Variants in PRDM2 observed in about 807,000 individuals in gnomAD.
PRDM2 encodes PR/SET domain 2, also known as PR domain zinc finger protein 2.
A neutral mutation model predicts 130.0 loss-of-function variants in PRDM2; 30 were observed. That is an observed-to-expected ratio of 0.23 (90% CI 0.17 to 0.31). PRDM2 has a LOEUF of 0.31. Among genes scored for constraint, PRDM2 ranks in the 10% least tolerant of loss-of-function variants. The pLI is 1.00. For missense variants in PRDM2, 2,011 were observed against 2,108.4 expected, an observed-to-expected ratio of 0.95 and a Z score of 0.90; for synonymous variants, 871 against 782.4, an observed-to-expected ratio of 1.11 and a Z score of -1.89.
At position 13,773,246 on chromosome 1, in the gene PRDM2, A is replaced by T. The variant is rs913558359; in HGVS notation, c.622+58A>T. On this transcript the variant is annotated intron_variant, in intron 7 of 9. Coordinates refer to ENST00000311066, the MANE Select transcript of PRDM2 (RefSeq NM_001393986.1). Reference sequence around the variant, plus strand: ...GGTGTGTATGTACCCAGTGAATTTAACTTTGTATCTCTTTATATTGTCCTT... The same window carrying T: ...GGTGTGTATGTACCCAGTGAATTTATCTTTGTATCTCTTTATATTGTCCTT... The T allele has an allele frequency of 1.4e-5, 14 of 1,009,140 alleles. No individual in the cohort carries two copies. In the Admixed American group the frequency reaches 3.2e-4, roughly 23 times the overall value. The allele number at this position is 1,009,140 out of a possible 1,614,324, so 62.5% of individuals were successfully genotyped here.
In PRDM2 at chr1:13,743,624, T is replaced by C. The variant is rs184960213; in HGVS notation, c.384+1467T>C. Among the ~76,000 whole-genome samples the C allele has an allele frequency of 2.6e-3, 389 of 152,268 alleles. 1 individual carries two copies. The highest frequency in any genetic ancestry group is 4.6e-3 in the Non-Finnish European group (315 of 68,016). ...ATGATCTCCATGGAGTTGAACACTTTTGATGAGCACACATTTCAAATTGTG... is the reference window on the plus strand; with the variant it reads ...ATGATCTCCATGGAGTTGAACACTTCTGATGAGCACACATTTCAAATTGTG... On this transcript the variant is annotated intron_variant, in intron 5 of 9. Coordinates refer to ENST00000311066, the MANE Select transcript of PRDM2 (RefSeq NM_001393986.1).
At chr1:13,800,351 C>G (rs1375249606) in intron 8 of PRDM2, among the ~76,000 whole-genome samples, 1 of 152,174 alleles carries the variant, frequency 6.6e-6, no homozygotes, top group Non-Finnish European at 1.5e-5. Flanking sequence ...GCCTGGCACC[C>G]ATGGGAGGAG....
In PRDM2 at chr1:13,755,009, G is replaced by A. The variant is rs1378128689; in HGVS notation, c.511+5522G>A. Among the ~76,000 whole-genome samples, 4 of 152,112 alleles carry A rather than the reference G, an allele frequency of 2.6e-5. No individual in the cohort carries two copies. In the East Asian group the frequency reaches 7.7e-4, roughly 29 times the overall value. ...GCCTTTGCTGAGCATTGAATGTCCC[G>A]TCTCTGGTGGTTGCCTGCCAGGATG... On this transcript the variant is annotated intron_variant, in intron 6 of 9. Coordinates refer to ENST00000311066, the MANE Select transcript of PRDM2 (RefSeq NM_001393986.1).
Position 13,817,260 on chromosome 1 carries a change from A to T in PRDM2, c.*23+690A>T, listed in dbSNP as rs374563840. ...TGCAAATATTCCAAAATCCAAAAAAAATCCAAAATCAAAAAATTTCGGGTC... is the reference window on the plus strand; with the variant it reads ...TGCAAATATTCCAAAATCCAAAAAATATCCAAAATCAAAAAATTTCGGGTC... On this transcript the variant is annotated intron_variant, in intron 9 of 9. Coordinates refer to ENST00000311066, the MANE Select transcript of PRDM2 (RefSeq NM_001393986.1). Among the ~76,000 whole-genome samples the T allele has an allele frequency of 3.9e-5, 6 of 152,346 alleles. No individual in the cohort carries two copies. In the East Asian group the frequency reaches 5.8e-4, roughly 15 times the overall value.
chr1:13,794,256 G>C (rs1321570013), intron 8 of PRDM2, among the ~76,000 whole-genome samples: 1 of 152,088 alleles, frequency 6.6e-6, no homozygotes, highest in African/African-American at 2.4e-5. Flanking sequence ...CCTGACCATC[G>C]ATCTGTCACA....
Position 13,708,097 on chromosome 1 carries a change from A to T in PRDM2, c.-65-7444A>T, listed in dbSNP as rs6693939. 7.6e-4 allele frequency among the ~76,000 whole-genome samples: 116 copies of T among 151,976 alleles called. 2 individuals are homozygous for T. In the Middle Eastern group the frequency reaches 0.014, roughly 18 times the overall value. ...AATCAATAATAAAGAATAAATAATC[A>T]GCAACTGCCATACGTTTACTTCTGA... On this transcript the variant is annotated intron_variant, in intron 1 of 9. Coordinates refer to ENST00000311066, the MANE Select transcript of PRDM2 (RefSeq NM_001393986.1).
chr1:13,789,318 C>T (rs1193767636), intron 8 of PRDM2, among the ~76,000 whole-genome samples: 1 of 152,234 alleles, frequency 6.6e-6, no homozygotes. Flanking sequence ...CTCGTTGTTA[C>T]AAGTACTTTC....
rs1645087723 is a variant in PRDM2, at chr1:13,806,418, A to G, written c.5037-10009A>G. 6.6e-6 allele frequency among the ~76,000 whole-genome samples: 1 copy of G among 152,102 alleles called. No homozygotes were observed. The highest frequency in any genetic ancestry group is 2.4e-5 in the African/African-American group (1 of 41,422). On this transcript the variant is annotated intron_variant, in intron 8 of 9. Transcript: ENST00000311066. The surrounding 1 kb of genome is among the most constrained non-coding windows in gnomAD (Gnocchi z 4.1). ...ATCTCCATTCAGCCGCCCACCTGAC[A>G]TCTCCCTTGGGTGTCTAGATTCAAA...
chr1:13,793,351 G>A (rs1274508131), intron 8 of PRDM2, among the ~76,000 whole-genome samples: 2 of 152,226 alleles, frequency 1.3e-5, no homozygotes, highest in African/African-American at 4.8e-5. Context: ...TCCGCGTCAG[G>A]TGCTCAAGTC....
chr1:13,768,385 CT>C (rs879709838), intron 6 of PRDM2, among the ~76,000 whole-genome samples: 75 of 138,468 alleles, frequency 5.4e-4, no homozygotes, highest in Admixed American at 8.7e-4. Context: ...GCCCGGCCTT[CT>C]TTTTTTTTTT....
chr1:13,763,506 C>T (rs1005358073), intron 6 of PRDM2, among the ~76,000 whole-genome samples: 6 of 151,974 alleles, frequency 3.9e-5, no homozygotes, highest in Admixed American at 3.9e-4. Flanking sequence ...TTTTCCTGAA[C>T]GGTTTTCCTG....
chr1:13,789,005 A>G (rs138655903), intron 8 of PRDM2, among the ~76,000 whole-genome samples: 1 of 152,264 alleles, frequency 6.6e-6, no homozygotes, highest in African/African-American at 2.4e-5. Flanking sequence ...TCCTGGATCA[A>G]GATGCTGTCA....
At chr1:13,712,201 G>A (rs1182601445) in intron 1 of PRDM2, among the ~76,000 whole-genome samples, 1 of 152,100 alleles carries the variant, frequency 6.6e-6, no homozygotes, top group Non-Finnish European at 1.5e-5. Flanking sequence ...TCCAGCCTGG[G>A]TGAGAGAGTA....
chr1:13,812,749 C>T (rs1240531153), intron 8 of PRDM2, among the ~76,000 whole-genome samples: 1 of 152,204 alleles, frequency 6.6e-6, no homozygotes, highest in Non-Finnish European at 1.5e-5. Context: ...CCAGTCAGGA[C>T]CCTGGCTCAC....
chr1:13,770,341 T>C (rs761234643), intron 6 of PRDM2: 3 of 491,848 alleles, frequency 6.1e-6, no homozygotes, highest in Non-Finnish European at 1.2e-5. Context: ...TAGACAGTTA[T>C]GTGATTTCAT....
chr1:13,779,321 A>G lies in PRDM2; in HGVS notation c.1526A>G (p.His509Arg). 2.5e-6 allele frequency: 4 copies of G among 1,614,212 alleles called. No individual in the cohort carries two copies. The highest frequency in any genetic ancestry group is 1.7e-6 in the Non-Finnish European group (2 of 1,180,022). Reference sequence around the variant, plus strand: ...CATCAGCGTAGAGTTCACGAACGTCATCTGATTCCCAAAGGTGTACGGCGA... The same window carrying G: ...CATCAGCGTAGAGTTCACGAACGTCGTCTGATTCCCAAAGGTGTACGGCGA... ...RRHQRRVHER[H>R]LIPKGVRRKG... Residue 509 changes from histidine to arginine, a missense_variant, in exon 8 of 10, where the codon CAT becomes CGT. Transcript: ENST00000311066. This position sits in a 1 kb window ranked among gnomAD's most constrained non-coding sequence, Gnocchi z 4.9.
chr1:13,773,034 TAAA>T (rs35124546), intron 6 of PRDM2, 41 bp from the exon 7 acceptor site: 56 of 1,048,654 alleles, frequency 5.3e-5, no homozygotes, highest in Non-Finnish European at 7.0e-5. Context: ...AATGAATAAA[TAAA>T]AAAAAAATGA....
At position 13,823,197 on chromosome 1, in the gene PRDM2, TG is replaced by T; in HGVS notation, c.*64del. 1.9e-6 allele frequency: 3 copies of T among 1,613,410 alleles called. No individual in the cohort carries two copies. In the South Asian group the frequency reaches 3.3e-5, roughly 18 times the overall value. On this transcript the variant is annotated 3_prime_UTR_variant, in exon 10 of 10. Transcript: ENST00000311066. ...CTGGAATCAGTGAAGCCAAAGGGAC[TG>T]GCAGTCTGCCCTGCAGGGAGTACCG...
intron 8 of PRDM2, among the ~76,000 whole-genome samples, chr1:13,810,332 A>C (rs1005665309): frequency 6.6e-6 from 1 of 151,298 alleles, no homozygotes; most frequent in Non-Finnish European, 1.5e-5. Flanking sequence ...TCTGCTACAG[A>C]CTCTGTATTT....
Sources: gnomAD v4.1 joint callset for allele counts (sites outside exome capture counted in the v4.1 genomes callset) on GRCh38, gnomAD v4.1.1 for gene constraint, Gnocchi (gnomAD v3.1) non-coding constraint, MANE v1.5 for transcripts, NCBI Gene and HGNC (gene_info 2026-07-23, HGNC 2026-07-21) for gene names.